The following FAT3 variants were observed in gnomAD, a reference collection of about 807,000 sequenced individuals.
FAT3 encodes FAT atypical cadherin 3.
In FAT3, 95 loss-of-function variants were observed where a neutral mutation model predicts 310.2. That is an observed-to-expected ratio of 0.31 (90% CI 0.26 to 0.36). The LOEUF (loss-of-function observed/expected upper bound fraction) is 0.36. Among genes scored for constraint, FAT3 ranks in the 10% least tolerant of loss-of-function variants. FAT3 has a pLI of 1.00. For synonymous variants in FAT3, 2,314 were observed against 2,192.9 expected, an observed-to-expected ratio of 1.06 and a Z score of -1.54; for missense variants, 5,408 against 5,715.6, an observed-to-expected ratio of 0.95 and a Z score of 1.74.
intron 4 of FAT3, among the ~76,000 whole-genome samples, chr11:92,711,172 T>C (rs1944508434): frequency 6.6e-6 from 1 of 152,226 alleles, no homozygotes; most frequent in South Asian, 2.1e-4. Flanking sequence ...TATGTATATA[T>C]GTATACACAT....
chr11:92,346,297 T>C (rs1948418069), intron 1 of FAT3, among the ~76,000 whole-genome samples: 1 of 152,186 alleles, frequency 6.6e-6, no homozygotes, highest in African/African-American at 2.4e-5. Context: ...AAATCTTGCT[T>C]GAACTCCCCA....
intron 3 of FAT3, among the ~76,000 whole-genome samples, chr11:92,531,507 C>T (rs1051498514): frequency 4.6e-5 from 7 of 152,166 alleles, no homozygotes; most frequent in African/African-American, 1.7e-4. Flanking sequence ...AAATGATGCT[C>T]TTGCCCTGGC....
At chr11:92,763,353 C>T (rs1050112464) in intron 5 of FAT3, among the ~76,000 whole-genome samples, 1 of 152,092 alleles carries the variant, frequency 6.6e-6, no homozygotes, top group Admixed American at 6.5e-5. Context: ...TATAGTAAAA[C>T]ACCAGCTCTG....
chr11:92,886,280 G>A (rs1949794307), intron 24 of FAT3, among the ~76,000 whole-genome samples: 1 of 152,072 alleles, frequency 6.6e-6, no homozygotes, highest in Non-Finnish European at 1.5e-5. Flanking sequence ...TCAAGATATA[G>A]GCTGTTTTTA....
At chr11:92,764,258 C>CT (rs1301808663) in intron 5 of FAT3, among the ~76,000 whole-genome samples, 2 of 152,068 alleles carry the variant, frequency 1.3e-5, no homozygotes, top group Non-Finnish European at 2.9e-5. Flanking sequence ...TCTCTGTTAC[C>CT]TTTTTGCAGG....
At chr11:92,499,725 G>GTGTGTGTATGTGTGTGTGTGTA (rs1555067142) in intron 2 of FAT3, among the ~76,000 whole-genome samples, 41 of 95,170 alleles carry the variant, frequency 4.3e-4, no homozygotes, top group African/African-American at 1.5e-3. Context: ...GTGTGTGTAT[G>GTGTGTGTATGTGTGTGTGTGTA]TGTGTGTGTG....
chr11:92,639,925 C>T (rs1399007172), intron 3 of FAT3, among the ~76,000 whole-genome samples: 2 of 152,132 alleles, frequency 1.3e-5, no homozygotes, highest in South Asian at 2.1e-4. Context: ...ATGTCGGCGA[C>T]GTCCATGGAC....
intron 3 of FAT3, among the ~76,000 whole-genome samples, chr11:92,681,230 C>T (rs940625373): frequency 6.6e-6 from 1 of 152,040 alleles, no homozygotes; most frequent in Non-Finnish European, 1.5e-5. Context: ...ACAAATATGC[C>T]CACAGGATGA....
intron 3 of FAT3, among the ~76,000 whole-genome samples, chr11:92,547,228 C>A (rs565347444): frequency 2.0e-5 from 3 of 152,248 alleles, no homozygotes; most frequent in African/African-American, 7.2e-5. Flanking sequence ...GCTATTTAAT[C>A]CCAACAGATG....
chr11:92,366,307 G>T (rs1031929781), intron 2 of FAT3, among the ~76,000 whole-genome samples: 4 of 152,150 alleles, frequency 2.6e-5, no homozygotes, highest in Admixed American at 2.6e-4. Context: ...TTCTGACTAG[G>T]TTGTAAAGAG....
At chr11:92,693,767 G>A (rs1943862065) in intron 3 of FAT3, among the ~76,000 whole-genome samples, 1 of 152,146 alleles carries the variant, frequency 6.6e-6, no homozygotes, top group Non-Finnish European at 1.5e-5. Context: ...TCAAGATTTT[G>A]ATAACAAGAT....
At chr11:92,751,648 CCAGT>C (rs1305963857) in intron 4 of FAT3, among the ~76,000 whole-genome samples, 2 of 152,056 alleles carry the variant, frequency 1.3e-5, no homozygotes, top group African/African-American at 4.8e-5. Context: ...AAGACTGGAG[CCAGT>C]CAAAGATGGT....
At chr11:92,755,514 A>G (rs542035183) in intron 4 of FAT3, among the ~76,000 whole-genome samples, 1 of 152,246 alleles carries the variant, frequency 6.6e-6, no homozygotes, top group South Asian at 2.1e-4. Flanking sequence ...ATGAACCACT[A>G]CACCCTGCCA....
At chr11:92,234,029 G>T (rs1343514419) in intron 1 of FAT3, among the ~76,000 whole-genome samples, 1 of 152,088 alleles carries the variant, frequency 6.6e-6, no homozygotes, top group Non-Finnish European at 1.5e-5. Context: ...GCTCATCAGT[G>T]GTTACTATAA....
At chr11:92,416,433 A>G (rs1950416049) in intron 2 of FAT3, among the ~76,000 whole-genome samples, 1 of 151,998 alleles carries the variant, frequency 6.6e-6, no homozygotes, top group African/African-American at 2.4e-5. Flanking sequence ...GTTAACATCA[A>G]TCAATGATAA....
intron 3 of FAT3, among the ~76,000 whole-genome samples, chr11:92,667,924 G>A (rs974953640): frequency 1.4e-4 from 21 of 152,172 alleles, no homozygotes; most frequent in African/African-American, 4.3e-4. Flanking sequence ...CTTTTCAATA[G>A]CAGCATAATG....
At chr11:92,764,576 C>G (rs1366954436) in intron 5 of FAT3, among the ~76,000 whole-genome samples, 1 of 152,142 alleles carries the variant, frequency 6.6e-6, no homozygotes, top group African/African-American at 2.4e-5. Context: ...ATTCATATAA[C>G]TATTATTCAG....
chr11:92,449,874 A>T (rs1951313398), intron 2 of FAT3, among the ~76,000 whole-genome samples: 1 of 152,212 alleles, frequency 6.6e-6, no homozygotes, highest in Non-Finnish European at 1.5e-5. Context: ...GATTGGCTTC[A>T]TCTTTACTTT....
At chr11:92,378,845 G>A (rs1949419183) in intron 2 of FAT3, among the ~76,000 whole-genome samples, 2 of 152,130 alleles carry the variant, frequency 1.3e-5, no homozygotes, top group Admixed American at 1.3e-4. Context: ...GTGCTTTCTG[G>A]TTATGTTTTT....
Sources: allele counts gnomAD v4.1 joint callset (sites outside exome capture counted in the v4.1 genomes callset), GRCh38; gene constraint gnomAD v4.1.1; transcripts MANE v1.5; gene names NCBI Gene and HGNC (gene_info 2026-07-23, HGNC 2026-07-21).